Variants in SPON2 observed in about 807,000 individuals in gnomAD.
SPON2 encodes spondin-2.
In SPON2, 32 loss-of-function variants were observed where a neutral mutation model predicts 29.9. The observed-to-expected ratio is 1.07, with a 90% CI of 0.81 to 1.44. SPON2 has a LOEUF of 1.44. Among genes scored for constraint, SPON2 ranks in the 40% most tolerant of loss-of-function variants. The pLI is 0.00. For missense variants in SPON2, 541 were observed against 455.5 expected (o/e 1.19, Z -1.71); for synonymous variants, 248 against 209.1 (o/e 1.19, Z -1.61).
At chr4:1,185,568 C>T (rs888677995) in intron 1 of SPON2, among the ~76,000 whole-genome samples, 1 of 151,108 alleles carries the variant, frequency 6.6e-6, no homozygotes, top group Non-Finnish European at 1.5e-5. Flanking sequence ...ATTAGCCAGG[C>T]ATGGTAGCAC....
At chr4:1,185,645 T>C (rs1387713903) in intron 1 of SPON2, among the ~76,000 whole-genome samples, 2 of 136,100 alleles carry the variant, frequency 1.5e-5, no homozygotes, top group African/African-American at 2.8e-5. Context: ...GAGGCGGACA[T>C]TGCAGTGAGC....
At chr4:1,194,334 A>G (rs559305033) in intron 1 of SPON2, among the ~76,000 whole-genome samples, 1 of 152,258 alleles carries the variant, frequency 6.6e-6, no homozygotes, top group Admixed American at 6.5e-5. Flanking sequence ...GTCCCGATAG[A>G]GGGACCACTT....
chr4:1,194,822 T>C (rs199606507), intron 1 of SPON2, among the ~76,000 whole-genome samples: 5 of 151,170 alleles, frequency 3.3e-5, no homozygotes, highest in African/African-American at 1.2e-4. Flanking sequence ...AGGCCTCACC[T>C]CACAGCCGGC....
At chr4:1,201,155 G>A (rs1417675687) in intron 1 of SPON2, 2 of 454,898 alleles carry the variant, frequency 4.4e-6, no homozygotes, top group Non-Finnish European at 8.9e-6. Context: ...ATTCCCTGCA[G>A]GCCAAATGCA....
chr4:1,197,675 A>T (rs1221489333), upstream of SPON2, among the ~76,000 whole-genome samples: 1 of 142,050 alleles, frequency 7.0e-6, no homozygotes, highest in Non-Finnish European at 1.5e-5. Flanking sequence ...TAGAAAACAA[A>T]TAAGTAAAAA....
Position 1,202,017 on chromosome 4 carries a change from G to A in SPON2, c.-234+5863C>T, listed in dbSNP as rs1437722290. Among the ~76,000 whole-genome samples, 3 of 152,190 alleles carry A rather than the reference G, an allele frequency of 2.0e-5. No individual in the cohort carries two copies. Among genetic ancestry groups the A allele is most frequent in the African/African-American group, 4.8e-5 (2 of 41,440 alleles). The stretch of plus-strand genomic sequence containing the variant: ...ATTCAGTGGTTTTTAGCATGTTCAC[G>A]AAGTTGTGCAACCATCCCCACTCAT... On this transcript the variant is annotated intron_variant, in intron 1 of 3. Transcript: ENST00000509233. This position sits in a 1 kb window ranked among gnomAD's most constrained non-coding sequence, Gnocchi z 5.4.
Position 1,170,584 on chromosome 4 carries a change from G to A in SPON2, c.637-8C>T, listed in dbSNP as rs1394361714. On this transcript the variant is annotated splice_region_variant and splice_polypyrimidine_tract_variant and intron_variant, in intron 4 of 5. Transcript: ENST00000290902. ...GGGAGAGGAGGACGTTATCTGGGGA[G>A]GAAGAAGAGGAGGTTGGCCTGGGGT... 1.9e-6 allele frequency: 3 copies of A among 1,601,984 alleles called. No homozygotes were observed. The highest frequency in any genetic ancestry group is 2.8e-5 in the African/African-American group (2 of 70,484).
At position 1,167,165 on chromosome 4, in the gene SPON2, A is replaced by C. The variant is rs1434046408; in HGVS notation, c.*307T>G. 2.4e-5 allele frequency: 8 copies of C among 340,148 alleles called. No individual in the cohort carries two copies. The highest frequency in any genetic ancestry group is 4.3e-5 in the Non-Finnish European group (8 of 184,350). 21.1% of individuals were successfully genotyped at this position (340,148 alleles called of 1,614,324 possible). ...CAATCTCCTGGAGCAGCAATAACTT[A>C]TAAGGAGACATAATTTAGAGTAGCT... On this transcript the variant is annotated 3_prime_UTR_variant, in exon 6 of 6. Transcript: ENST00000290902.
At chr4:1,179,915 A>G (rs1286082821) in intron 1 of SPON2, among the ~76,000 whole-genome samples, 1 of 152,146 alleles carries the variant, frequency 6.6e-6, no homozygotes, top group Non-Finnish European at 1.5e-5. Flanking sequence ...AATTATAGGC[A>G]ATTGATGAAC....
intron 1 of SPON2, among the ~76,000 whole-genome samples, chr4:1,180,701 C>G (rs949514683): frequency 1.3e-5 from 2 of 152,060 alleles, no homozygotes; most frequent in Non-Finnish European, 2.9e-5. Flanking sequence ...TATAGAGAAC[C>G]AAGTAGAAAT....
At chr4:1,201,191 C>T (rs1728195382) in intron 1 of SPON2, 2 of 447,914 alleles carry the variant, frequency 4.5e-6, no homozygotes, top group African/African-American at 4.0e-5. Flanking sequence ...CCAGCCCCTC[C>T]CCCCGCAGTA....
At chr4:1,178,116 T>C (rs1166418369), upstream of SPON2, among the ~76,000 whole-genome samples, 1 of 142,014 alleles carries the variant, frequency 7.0e-6, no homozygotes, top group Non-Finnish European at 1.5e-5. Context: ...AGGGCCTCCC[T>C]CCGGCCAGAC....
chr4:1,172,365 T>G, intron 1 of SPON2, 179 bp downstream of exon 1: 1 of 526,724 alleles, frequency 1.9e-6, no homozygotes, highest in Non-Finnish European at 3.4e-6. Context: ...CCGGGATGCC[T>G]TCGCCGTCGC....
Position 1,171,048 on chromosome 4 carries a change from G to A in SPON2, c.587C>T (p.Thr196Ile), listed in dbSNP as rs1383588469. 6 of 1,549,162 alleles carry A rather than the reference G, an allele frequency of 3.9e-6. No homozygotes were observed. Among genetic ancestry groups the A allele is most frequent in the Middle Eastern group, 1.7e-4 (1 of 5,980 alleles). The change falls in exon 4 of 6, where the codon ACC (threonine) becomes ATC (isoleucine). Residue 196 changes from threonine to isoleucine, a missense_variant. By Grantham distance (89) the Thr-to-Ile change is moderately conservative. Transcript: ENST00000290902. The part of the protein sequence containing the change: ...PYDAGTDSGF[T>I]FSSPNFATIP... ...GGTGGCGAAGTTGGGGGAGGAGAAGGTGAAGCCGCTGTCCGTCCCGGCGTC... is the reference window on the plus strand; with the variant it reads ...GGTGGCGAAGTTGGGGGAGGAGAAGATGAAGCCGCTGTCCGTCCCGGCGTC...
intron 1 of SPON2, among the ~76,000 whole-genome samples, chr4:1,187,715 C>T (rs559597378): frequency 6.6e-6 from 1 of 152,228 alleles, no homozygotes; most frequent in East Asian, 1.9e-4. Flanking sequence ...CTGTTCCCTC[C>T]TCCTCCTCTG....
At chr4:1,171,804 C>T in intron 2 of SPON2, 48 bp downstream of exon 2, 2 of 1,397,836 alleles carry the variant, frequency 1.4e-6, no homozygotes, top group African/African-American at 2.8e-5. Flanking sequence ...GGCTCCGGCG[C>T]CGCAGCCCTC....
chr4:1,180,085 T>C (rs902163385), intron 1 of SPON2, among the ~76,000 whole-genome samples: 1 of 152,038 alleles, frequency 6.6e-6, no homozygotes, highest in African/African-American at 2.4e-5. Context: ...AGGTCTGAGC[T>C]CCAGAAATAC....
chr4:1,170,053 G>A (rs1727373160), intron 5 of SPON2: 1 of 263,652 alleles, frequency 3.8e-6, no homozygotes, highest in African/African-American at 2.3e-5. Flanking sequence ...CTGTCACCCG[G>A]TGGCCACACA....
upstream of SPON2, among the ~76,000 whole-genome samples, chr4:1,175,277 A>G (rs2153077711): frequency 6.6e-6 from 1 of 152,358 alleles, no homozygotes; most frequent in South Asian, 2.1e-4. Flanking sequence ...GTGCCGCTCC[A>G]GAGACTCGCT....
Sources: gnomAD v4.1 joint callset for allele counts (sites outside exome capture counted in the v4.1 genomes callset) on GRCh38, gnomAD v4.1.1 for gene constraint, Gnocchi (gnomAD v3.1) non-coding constraint, MANE v1.5 for transcripts, NCBI Gene and HGNC (gene_info 2026-07-23, HGNC 2026-07-21) for gene names.